TUT4: variants seen among roughly 807,000 people sequenced by gnomAD.
TUT4 encodes the protein terminal uridylyl transferase 4.
Under a neutral mutation model 192.2 loss-of-function variants are expected in TUT4, and 36 were observed. The observed-to-expected ratio is 0.19, with a 90% CI of 0.14 to 0.25. The LOEUF is 0.25. TUT4 is among the 10% of genes least tolerant of loss of function. The probability of loss-of-function intolerance (pLI) is 1.00; values close to 1 mark genes in which losing one functional copy is unlikely to be tolerated. For missense variants in TUT4, 1,493 were observed against 1,957.2 expected, an observed-to-expected ratio of 0.76 and a Z score of 4.47; for synonymous variants, 618 against 666.0, an observed-to-expected ratio of 0.93 and a Z score of 1.11.
chr1:52,484,263 TA>T (rs1358635586), intron 9 of TUT4, among the ~76,000 whole-genome samples: 2 of 152,006 alleles, frequency 1.3e-5, no homozygotes, highest in Admixed American at 1.3e-4. Flanking sequence ...AGCAATATAA[TA>T]AAAAATACAA....
At chr1:52,479,570 G>C (rs528423864) in intron 11 of TUT4, among the ~76,000 whole-genome samples, 2 of 152,120 alleles carry the variant, frequency 1.3e-5, no homozygotes, top group African/African-American at 2.4e-5. Context: ...AAGGTTAACC[G>C]AAAGGAACAT....
chr1:52,476,929 C>G (rs1192075732), intron 12 of TUT4, among the ~76,000 whole-genome samples: 1 of 152,142 alleles, frequency 6.6e-6, no homozygotes, highest in Non-Finnish European at 1.5e-5. Flanking sequence ...AATTGAGGAG[C>G]CACTCTATTG....
chr1:52,452,033 GAAT>G (rs1557693193), intron 20 of TUT4, among the ~76,000 whole-genome samples: 1 of 151,586 alleles, frequency 6.6e-6, no homozygotes, highest in Non-Finnish European at 1.5e-5. Context: ...AATTCTCGAA[GAAT>G]GAGTTAGGAA....
intron 2 of TUT4, among the ~76,000 whole-genome samples, chr1:52,523,086 T>C (rs1397724262): frequency 6.8e-6 from 1 of 147,992 alleles, no homozygotes; most frequent in Non-Finnish European, 1.5e-5. Flanking sequence ...TCCATCTCCT[T>C]GGTTCAGGCA....
At chr1:52,503,119 G>A (rs1053047525) in intron 4 of TUT4, among the ~76,000 whole-genome samples, 4 of 152,012 alleles carry the variant, frequency 2.6e-5, no homozygotes, top group Non-Finnish European at 4.4e-5. Context: ...GTTAAATATC[G>A]TCCTACAACT....
intron 8 of TUT4, 21 bp downstream of exon 8, chr1:52,490,711 T>C (rs377043381): frequency 6.3e-7 from 1 of 1,587,852 alleles, no homozygotes; most frequent in African/African-American, 1.4e-5. Flanking sequence ...TTTTAAATAT[T>C]TTATCTTCAT....
chr1:52,538,232 T>A (rs1175433036), intron 1 of TUT4, among the ~76,000 whole-genome samples: 1 of 151,748 alleles, frequency 6.6e-6, no homozygotes, highest in East Asian at 1.9e-4. Flanking sequence ...CAAGACTCCA[T>A]CTCAAAAAAA....
At chr1:52,532,607 G>A (rs572175919) in intron 1 of TUT4, among the ~76,000 whole-genome samples, 4 of 152,208 alleles carry the variant, frequency 2.6e-5, no homozygotes, top group Middle Eastern at 3.4e-3. Context: ...TACCATGCCC[G>A]GCCTTACCTA....
intron 9 of TUT4, among the ~76,000 whole-genome samples, chr1:52,484,192 C>A (rs1191748763): frequency 6.6e-6 from 1 of 151,454 alleles, no homozygotes; most frequent in African/African-American, 2.4e-5. Context: ...CTGGCCTGGG[C>A]AACAGAGTGA....
Position 52,431,199 on chromosome 1 carries a change from G to A in TUT4, c.4525C>T (p.His1509Tyr). ...LQIPAPSWPI[H>Y]GPVIHSAPGS... is the part of the protein sequence containing the mutation. ...GGTGCAGAGTGGATCACTGGGCCAT[G>A]GATGGGCCAGGACGGGGCAGGGATC... Residue 1509 changes from histidine to tyrosine, a missense_variant, in exon 28 of 30, where the codon CAT becomes TAT. By Grantham distance (83) the His-to-Tyr change is moderately conservative. Transcript: ENST00000257177. 6.2e-7 allele frequency: 1 copy of A among 1,614,236 alleles called. No individual in the cohort carries two copies. The highest frequency in any genetic ancestry group is 8.5e-7 in the Non-Finnish European group (1 of 1,180,032).
At chr1:52,499,464 G>T (rs962100051) in intron 4 of TUT4, among the ~76,000 whole-genome samples, 1 of 152,182 alleles carries the variant, frequency 6.6e-6, no homozygotes, top group Non-Finnish European at 1.5e-5. Flanking sequence ...GGCTGGGCAT[G>T]GTGGCTCATG....
intron 9 of TUT4, among the ~76,000 whole-genome samples, chr1:52,482,238 T>G (rs1668653692): frequency 6.6e-6 from 1 of 152,204 alleles, no homozygotes; most frequent in South Asian, 2.1e-4. Flanking sequence ...ATTAACAACC[T>G]TCTATGTCTT....
chr1:52,530,800 C>T (rs1043770337), intron 1 of TUT4, among the ~76,000 whole-genome samples: 1 of 151,934 alleles, frequency 6.6e-6, no homozygotes, highest in Non-Finnish European at 1.5e-5. Context: ...CTCGCAAGTT[C>T]GAGGCCAGCC....
intron 4 of TUT4, among the ~76,000 whole-genome samples, chr1:52,507,103 AG>A (rs776597393): frequency 6.6e-5 from 10 of 152,238 alleles, no homozygotes; most frequent in South Asian, 2.1e-4. Context: ...CTGGATAGGA[AG>A]AAGTCCTGTA....
intron 9 of TUT4, among the ~76,000 whole-genome samples, chr1:52,482,266 A>G (rs1668665795): frequency 6.6e-6 from 1 of 152,090 alleles, no homozygotes; most frequent in South Asian, 2.1e-4. Flanking sequence ...GCCTTTTTCT[A>G]TACTCATATA....
chr1:52,455,109 C>CTACTACA (rs1660496059), intron 20 of TUT4, among the ~76,000 whole-genome samples: 1 of 151,976 alleles, frequency 6.6e-6, no homozygotes, highest in African/African-American at 2.4e-5. Flanking sequence ...CATGGAGAAA[C>CTACTACA]CCAATCTCTA....
intron 1 of TUT4, among the ~76,000 whole-genome samples, chr1:52,543,240 CAA>C (rs1008008425): frequency 1.3e-5 from 2 of 152,076 alleles, no homozygotes; most frequent in Admixed American, 6.6e-5. Context: ...ATGGATTCAG[CAA>C]AGTAGCAGGA....
At chr1:52,527,553 A>G (rs1682139898) in intron 1 of TUT4, among the ~76,000 whole-genome samples, 1 of 152,318 alleles carries the variant, frequency 6.6e-6, no homozygotes, top group South Asian at 2.1e-4. Context: ...CTCTGTCTCA[A>G]AAACAACAAC....
At chr1:52,546,543 A>C (rs1280497135) in intron 1 of TUT4, among the ~76,000 whole-genome samples, 1 of 152,188 alleles carries the variant, frequency 6.6e-6, no homozygotes, top group Non-Finnish European at 1.5e-5. Context: ...GGGAACGGGA[A>C]ATTATCATTT....
Sources: gnomAD v4.1 joint callset for allele counts (sites outside exome capture counted in the v4.1 genomes callset) on GRCh38, gnomAD v4.1.1 for gene constraint, MANE v1.5 for transcripts, NCBI Gene and HGNC (gene_info 2026-07-23, HGNC 2026-07-21) for gene names.